The following ROBO2 variants were observed in gnomAD, a reference collection of about 807,000 sequenced individuals.
The protein encoded by ROBO2 is roundabout guidance receptor 2, also known as roundabout homolog 2.
A neutral mutation model predicts 160.8 loss-of-function variants in ROBO2; 53 were observed. The observed-to-expected ratio is 0.33, with a 90% confidence interval of 0.26 to 0.41. ROBO2 has a LOEUF of 0.41. ROBO2 is among the 10% of genes least tolerant of loss of function. The pLI is 1.00. For synonymous variants in ROBO2, 664 were observed against 611.7 expected (o/e 1.09, Z -1.26); for missense variants, 1,577 against 1,722.4 (o/e 0.92, Z 1.49).
chr3:76,906,960 G>A (rs986847365), intron 2 of ROBO2, among the ~76,000 whole-genome samples: 3 of 152,032 alleles, frequency 2.0e-5, no homozygotes, highest in African/African-American at 7.2e-5. Flanking sequence ...AGTTATACAC[G>A]CCTAAGGGAG....
intron 2 of ROBO2, among the ~76,000 whole-genome samples, chr3:76,012,787 T>C (rs2066234046): frequency 6.6e-6 from 1 of 152,130 alleles, no homozygotes; most frequent in South Asian, 2.1e-4. Context: ...ATAAAGGCAA[T>C]TGGTGACTGG....
chr3:77,099,164 C>T (rs1431547024), intron 2 of ROBO2, among the ~76,000 whole-genome samples: 4 of 149,534 alleles, frequency 2.7e-5, no homozygotes, highest in Non-Finnish European at 5.9e-5. Flanking sequence ...CTCTGCCTCA[C>T]GGGCTTAAGC....
intron 2 of ROBO2, among the ~76,000 whole-genome samples, chr3:77,434,561 C>G (rs1383478174): frequency 6.6e-6 from 1 of 152,050 alleles, no homozygotes; most frequent in African/African-American, 2.4e-5. Flanking sequence ...ATTGTTGTCA[C>G]CATTTATGAG....
intron 2 of ROBO2, among the ~76,000 whole-genome samples, chr3:76,128,528 G>A (rs2071092233): frequency 6.6e-6 from 1 of 152,016 alleles, no homozygotes; most frequent in South Asian, 2.1e-4. Context: ...GAAAAGATAA[G>A]ATATTTAATA....
At chr3:76,181,221 G>A (rs1174645717) in intron 2 of ROBO2, among the ~76,000 whole-genome samples, 1 of 151,978 alleles carries the variant, frequency 6.6e-6, no homozygotes, top group Admixed American at 6.6e-5. Context: ...CTTGTGGAAT[G>A]TAAAATTCCA....
intron 2 of ROBO2, among the ~76,000 whole-genome samples, chr3:76,090,751 C>T (rs536884939): frequency 2.2e-4 from 34 of 151,604 alleles, no homozygotes; most frequent in East Asian, 1.9e-4. Context: ...ACACATAGAA[C>T]GGAACGGAAC....
At chr3:76,697,516 G>A (rs762239672) in intron 2 of ROBO2, among the ~76,000 whole-genome samples, 10 of 152,030 alleles carry the variant, frequency 6.6e-5, no homozygotes, top group African/African-American at 1.7e-4. Flanking sequence ...GCATGGTGCC[G>A]CATGCCTGTG....
intron 2 of ROBO2, among the ~76,000 whole-genome samples, chr3:76,312,713 G>T (rs1385176569): frequency 1.3e-5 from 2 of 152,228 alleles, no homozygotes; most frequent in African/African-American, 4.8e-5. Context: ...TGTTATTGAT[G>T]TCAGGAGTGT....
intron 2 of ROBO2, among the ~76,000 whole-genome samples, chr3:76,641,344 A>T (rs1252445779): frequency 6.6e-6 from 1 of 152,188 alleles, no homozygotes; most frequent in Admixed American, 6.5e-5. Flanking sequence ...ATGCATACAG[A>T]ACACAATATC....
intron 2 of ROBO2, among the ~76,000 whole-genome samples, chr3:76,979,878 A>G (rs1052307508): frequency 6.6e-6 from 1 of 151,994 alleles, no homozygotes; most frequent in African/African-American, 2.4e-5. Flanking sequence ...TCCTGGAAAC[A>G]AGGCCTGGGA....
chr3:77,207,709 A>T (rs1054803494), intron 2 of ROBO2, among the ~76,000 whole-genome samples: 4 of 152,230 alleles, frequency 2.6e-5, no homozygotes, highest in Non-Finnish European at 5.9e-5. Context: ...CGTTCCAGTG[A>T]TCATAAAAGG....
intron 2 of ROBO2, among the ~76,000 whole-genome samples, chr3:76,369,045 T>C (rs1473150576): frequency 6.6e-6 from 1 of 152,002 alleles, no homozygotes; most frequent in Non-Finnish European, 1.5e-5. Context: ...ATTTTTTTTC[T>C]GTTCCATTCA....
chr3:76,538,653 A>G (rs571055425), intron 2 of ROBO2, among the ~76,000 whole-genome samples: 30 of 152,180 alleles, frequency 2.0e-4, no homozygotes, highest in Non-Finnish European at 5.9e-5. Flanking sequence ...ACTTGTGTGA[A>G]GCTGAGGTTT....
chr3:76,427,150 T>C (rs2076252410), intron 2 of ROBO2, among the ~76,000 whole-genome samples: 1 of 152,108 alleles, frequency 6.6e-6, no homozygotes, highest in Admixed American at 6.6e-5. Context: ...AATGCAGGAT[T>C]TACATGATTC....
At chr3:76,215,729 A>G (rs1703474807) in intron 2 of ROBO2, among the ~76,000 whole-genome samples, 1 of 152,090 alleles carries the variant, frequency 6.6e-6, no homozygotes, top group African/African-American at 2.4e-5. Context: ...AAGTTGGAAA[A>G]CTCTCTTCAG....
intron 2 of ROBO2, among the ~76,000 whole-genome samples, chr3:76,631,166 T>A (rs1016243705): frequency 3.9e-5 from 6 of 152,222 alleles, no homozygotes; most frequent in African/African-American, 1.4e-4. Flanking sequence ...CATTTTATGA[T>A]ATTTAAAGGA....
rs1236244297 is a variant in ROBO2, at chr3:77,580,150, G to C, written c.2500+32G>C. The C allele has an allele frequency of 1.9e-6, 3 of 1,607,500 alleles. No homozygotes were observed. In the South Asian group the frequency reaches 3.3e-5, roughly 18 times the overall value. The stretch of plus-strand genomic sequence containing the variant: ...ATCAAACTATGTGGTCTGTGCTTTA[G>C]AATCAGTCAGCTGACAAGGTGGATG... On this transcript the variant is annotated intron_variant, in intron 16 of 25. Coordinates refer to ENST00000461745, the Ensembl canonical transcript of ROBO2.
chr3:76,816,718 G>T (rs1375488507), intron 2 of ROBO2, among the ~76,000 whole-genome samples: 2 of 151,818 alleles, frequency 1.3e-5, no homozygotes, highest in Non-Finnish European at 2.9e-5. Context: ...TCCCATTACT[G>T]GTTATATACA....
intron 2 of ROBO2, among the ~76,000 whole-genome samples, chr3:76,502,553 T>C (rs1368978803): frequency 1.3e-5 from 2 of 152,226 alleles, no homozygotes; most frequent in Non-Finnish European, 2.9e-5. Context: ...ATTTGCTTCA[T>C]CCATTCTTTT....
Sources: allele counts gnomAD v4.1 joint callset (sites outside exome capture counted in the v4.1 genomes callset), GRCh38; gene constraint gnomAD v4.1.1; transcripts MANE v1.5; gene names NCBI Gene and HGNC (gene_info 2026-07-23, HGNC 2026-07-21).